Variants in IFT46 observed in about 807,000 individuals in gnomAD.
The protein encoded by IFT46 is intraflagellar transport 46, also known as intraflagellar transport protein 46 homolog.
Under a neutral mutation model 39.6 loss-of-function variants are expected in IFT46, and 19 were observed. That is an observed-to-expected ratio of 0.48 (90% CI 0.33 to 0.70). The LOEUF (loss-of-function observed/expected upper bound fraction) is 0.70, where lower values mean the gene tolerates loss of function less well. Ranked by LOEUF, IFT46 falls within the 30% of genes least tolerant of loss-of-function variation. The pLI is 0.01. For synonymous variants in IFT46, 117 were observed against 134.8 expected (o/e 0.87, Z 0.91); for missense variants, 334 against 364.8 (o/e 0.92, Z 0.69).
intron 3 of IFT46, among the ~76,000 whole-genome samples, chr11:118,558,826 G>A (rs1175185218): frequency 1.3e-5 from 2 of 151,546 alleles, no homozygotes; most frequent in Non-Finnish European, 2.9e-5. Context: ...GCTGAGGCAT[G>A]AGAATTGCTT....
At chr11:118,572,478 C>G (rs963069900) in intron 1 of IFT46, 3 of 1,565,382 alleles carry the variant, frequency 1.9e-6, no homozygotes, top group Admixed American at 3.5e-5. Flanking sequence ...GCTGGTGCTC[C>G]CGTTCCCCAG....
intron 1 of IFT46, chr11:118,572,463 G>C: frequency 1.3e-6 from 2 of 1,495,182 alleles, no homozygotes; most frequent in Non-Finnish European, 9.2e-7. Context: ...AGCAGGTCCA[G>C]AGCTGCTGGT....
chr11:118,559,904 G>T, intron 2 of IFT46, 40 bp from the exon 3 acceptor site: 1 of 1,172,332 alleles, frequency 8.5e-7, no homozygotes, highest in Non-Finnish European at 1.3e-6. Context: ...TTGTTAAAAT[G>T]ATTTTTAAAA....
At chr11:118,546,963 T>G (rs114090563) in intron 9 of IFT46, 1 of 152,218 alleles carries the variant, frequency 6.6e-6, no homozygotes, top group Admixed American at 6.5e-5. Flanking sequence ...AGAGTACATA[T>G]AGTTCTGCAA....
chr11:118,562,626 G>A (rs1555070758), intron 2 of IFT46, among the ~76,000 whole-genome samples: 2 of 152,072 alleles, frequency 1.3e-5, no homozygotes, highest in African/African-American at 4.8e-5. Context: ...ACACGCTCAA[G>A]TCAAAAACCT....
At chr11:118,569,182 G>A (rs190315116), upstream of IFT46, among the ~76,000 whole-genome samples, 146 of 151,902 alleles carry the variant, frequency 9.6e-4, 1 homozygote, top group Admixed American at 6.9e-3. Flanking sequence ...GGGAGGCTAA[G>A]TCAGGAGAAT....
chr11:118,575,999 G>C (rs1417862668), upstream of IFT46, among the ~76,000 whole-genome samples: 12 of 149,420 alleles, frequency 8.0e-5, no homozygotes, highest in Non-Finnish European at 1.5e-4. Flanking sequence ...TGTTACTGTA[G>C]TTTTCAAATG....
At chr11:118,547,891 C>T (rs1361567242) in intron 9 of IFT46, among the ~76,000 whole-genome samples, 11 of 150,604 alleles carry the variant, frequency 7.3e-5, no homozygotes, top group Admixed American at 3.3e-4. Context: ...GGACTATAGG[C>T]GCCCGCCACA....
In IFT46 at chr11:118,557,008, C is replaced by A; in HGVS notation, c.83G>T (p.Gly28Val). ...ATCGTCATCCTCATTTTCACTAAAG[C>A]CCCGTTGAGGTGTCAACTGTGAGGT... is the stretch of plus-strand genomic sequence containing the variant. ...KKTSQLTPQR[G>V]FSENEDDDDD... The change falls in exon 4 of 12, where the codon GGC becomes GTC. Residue 28 changes from glycine (G) to valine (V), a missense_variant. Physicochemically the swap from Gly to Val is moderately radical, Grantham distance 109. Transcript: ENST00000264021. The A allele has an allele frequency of 6.2e-7, 1 of 1,612,400 alleles. No homozygotes were observed. Among genetic ancestry groups the A allele is most frequent in the Non-Finnish European group, 8.5e-7 (1 of 1,179,074 alleles).
chr11:118,561,041 T>C (rs1353927043), intron 2 of IFT46: 1 of 1,525,928 alleles, frequency 6.6e-7, no homozygotes. Flanking sequence ...GGACAAGATC[T>C]ATGAAGGCCA....
rs957999219 is a variant in IFT46, at chr11:118,558,235, T to C, written c.46-1190A>G. Among the ~76,000 whole-genome samples the C allele has an allele frequency of 3.3e-5, 5 of 152,246 alleles. No individual in the cohort carries two copies. The East Asian group carries it at 9.6e-4, about 29-fold the overall frequency. On this transcript the variant is annotated intron_variant, in intron 3 of 11. Coordinates refer to ENST00000264021, the MANE Select transcript of IFT46 (RefSeq NM_001168618.2). ...GATAAGAACTTTCTAGAGCATTCTT[T>C]CTCAATTCAAGATTTGCCAAAATTA...
intron 3 of IFT46, among the ~76,000 whole-genome samples, chr11:118,558,921 A>AC (rs1265666905): frequency 2.7e-5 from 4 of 149,540 alleles, no homozygotes; most frequent in African/African-American, 9.9e-5. Context: ...TCAAAAAAAA[A>AC]AAACAAACAA....
At chr11:118,570,823 G>C (rs186600712), upstream of IFT46, among the ~76,000 whole-genome samples, 172 of 152,180 alleles carry the variant, frequency 1.1e-3, no homozygotes, top group African/African-American at 3.7e-3. Context: ...TTTTTTTAAA[G>C]ATATAATTTA....
intron 11 of IFT46, 124 bp downstream of exon 11, chr11:118,545,285 G>A (rs1278178876): frequency 6.2e-6 from 5 of 803,626 alleles, no homozygotes; most frequent in Non-Finnish European, 1.0e-5. Flanking sequence ...TTATGGGAAA[G>A]GGCGAAGGTA....
chr11:118,566,437 A>T (rs1490841044), upstream of IFT46, among the ~76,000 whole-genome samples: 1 of 152,272 alleles, frequency 6.6e-6, no homozygotes, highest in East Asian at 1.9e-4. Context: ...TCACGCCTGT[A>T]ATCCCAGCAC....
At position 118,556,952 on chromosome 11, in the gene IFT46, A is replaced by C. The variant is rs1555069630; in HGVS notation, c.139T>G (p.Ser47Ala). The change falls in exon 4 of 12, where the codon TCT (serine) becomes GCT (alanine). Residue 47 changes from serine (S) to alanine (A), a missense_variant. Physicochemically the swap from Ser to Ala is moderately conservative, Grantham distance 99. Coordinates refer to ENST00000264021, the MANE Select transcript of IFT46 (RefSeq NM_001168618.2). Reference protein sequence around the residue: ...DDDDDSSETDSDSDDDDEEHG... With the variant: ...DDDDDSSETDADSDDDDEEHG... ...TCTTCATCATCATCATCAGAATCAG[A>C]ATCAGTTTCAGATGAATCATCATCA... 6.2e-7 allele frequency: 1 copy of C among 1,609,528 alleles called. No homozygotes were observed. Among genetic ancestry groups the C allele is most frequent in the East Asian group, 2.2e-5 (1 of 44,704 alleles).
Position 118,554,583 on chromosome 11 carries a change from G to T in IFT46, c.359C>A (p.Pro120Gln). The T allele has an allele frequency of 6.3e-7, 1 of 1,592,338 alleles. No homozygotes were observed. Among genetic ancestry groups the T allele is most frequent in the South Asian group, 1.2e-5 (1 of 86,792 alleles). Residue 120 changes from proline to glutamine, a missense_variant, in exon 7 of 12, where the codon CCA becomes CAA. Transcript: ENST00000264021. The part of the protein sequence containing the change: ...VGDIDAFLKV[P>Q]RPDGKPDNLG... ...GTTGTCAGGCTTTCCATCAGGACGT[G>T]GGACCTGGTTAAGAAAAAGGTAAGA... is the stretch of plus-strand genomic sequence containing the variant.
At position 118,555,056 on chromosome 11, in the gene IFT46, G is replaced by A; in HGVS notation, c.288C>T (p.Asp96=). The part of the protein sequence containing the change: ...SRYTPQLIDL[D]HKLKPFIPDF... ...CAGGAATGAAAGGCTTCAGTTTGTG[G>A]TCCAGGTCAATCAACTGAGGTGTGT... is the stretch of plus-strand genomic sequence containing the variant. Residue 96 remains aspartate (D), a synonymous_variant, in exon 6 of 12, where the codon GAC becomes GAT. Transcript: ENST00000264021. 6.2e-6 allele frequency: 10 copies of A among 1,613,850 alleles called. No homozygotes were observed. Among genetic ancestry groups the A allele is most frequent in the Non-Finnish European group, 8.5e-6 (10 of 1,179,764 alleles).
chr11:118,546,389 G>T (rs1951687172), intron 9 of IFT46: 2 of 489,234 alleles, frequency 4.1e-6, no homozygotes. Context: ...TACTTGGGAG[G>T]CTGGGGTGGG....
Sources: allele counts gnomAD v4.1 joint callset (sites outside exome capture counted in the v4.1 genomes callset), GRCh38; gene constraint gnomAD v4.1.1; transcripts MANE v1.5; gene names NCBI Gene and HGNC (gene_info 2026-07-23, HGNC 2026-07-21).